Variants in YBEY observed in about 807,000 individuals in gnomAD.
The protein encoded by YBEY is ybeY metalloendoribonuclease.
In YBEY, 15 loss-of-function variants were observed where a neutral mutation model predicts 13.5. The observed-to-expected ratio is 1.11, with a 90% CI of 0.75 to 1.72. The LOEUF is 1.72. Ranked by LOEUF, YBEY falls within the 40% of genes most tolerant of loss-of-function variation. The probability of loss-of-function intolerance (pLI) is 0.00; values close to 1 mark genes in which losing one functional copy is unlikely to be tolerated. For missense variants in YBEY, 244 were observed against 208.4 expected (o/e 1.17, Z -1.05); for synonymous variants, 101 against 83.1 (o/e 1.21, Z -1.17).
chr21:46,311,453 T>C, the YBEY span: 1 of 1,540,714 alleles, frequency 6.5e-7, no homozygotes, highest in South Asian at 1.2e-5. Flanking sequence ...ATGGAACACT[T>C]ACCTTCCTTA....
At chr21:46,293,673 AG>A (rs1569100850) in intron 3 of YBEY, among the ~76,000 whole-genome samples, 1 of 21,932 alleles carries the variant, frequency 4.6e-5, no homozygotes, top group African/African-American at 1.4e-4. Flanking sequence ...CACGCAAGTT[AG>A]ACTCTAGATT....
At chr21:46,313,126 C>T in the YBEY span, 88 of 920,032 alleles carry the variant, frequency 9.6e-5, no homozygotes, top group Non-Finnish European at 1.1e-4. Flanking sequence ...CAGGACACAC[C>T]GTCAGCTCTT....
In YBEY at chr21:46,297,681, C is replaced by A; in HGVS notation, c.*47C>A. 1 of 1,272,514 alleles carries A rather than the reference C, an allele frequency of 7.9e-7. No individual in the cohort carries two copies. Among genetic ancestry groups the A allele is most frequent in the Non-Finnish European group, 1.0e-6 (1 of 998,764 alleles). The allele number at this position is 1,272,514 out of a possible 1,614,324, so 78.8% of individuals were successfully genotyped here. A position where few individuals can be genotyped will look rare whatever the true frequency, so the allele number is the denominator to read the frequency against. On this transcript the variant is annotated 3_prime_UTR_variant, in exon 5 of 5. Coordinates refer to ENST00000397701, the MANE Select transcript of YBEY (RefSeq NM_001314025.2). ...CGGGACGCGGGAGGGGTGGAGGCTG[C>A]GGGGAGCCGGGGTCGCACACGAATA... is the stretch of plus-strand genomic sequence containing the variant.
intron 2 of YBEY, among the ~76,000 whole-genome samples, chr21:46,289,894 T>C (rs1476149425): frequency 1.3e-5 from 2 of 152,300 alleles, no homozygotes; most frequent in Admixed American, 6.5e-5. Flanking sequence ...AGTTTCTGTG[T>C]GCGTGTAAGG....
chr21:46,296,268 TG>T, intron 4 of YBEY, 38 bp downstream of exon 4: 5 of 1,611,304 alleles, frequency 3.1e-6, no homozygotes, highest in Non-Finnish European at 4.2e-6. Context: ...AGGGGGTGCG[TG>T]GGGGAAGGAG....
intron 4 of YBEY, among the ~76,000 whole-genome samples, chr21:46,297,303 C>T (rs1470142454): frequency 1.3e-5 from 2 of 148,772 alleles, no homozygotes; most frequent in African/African-American, 4.9e-5. Context: ...TTCTTCCTCC[C>T]ACTCCCCTCC....
chr21:46,304,831 T>C, the YBEY span, among the ~76,000 whole-genome samples: 2 of 152,126 alleles, frequency 1.3e-5, no homozygotes, highest in African/African-American at 4.8e-5. Flanking sequence ...TGTACATCAG[T>C]AGATAGATAA....
At position 46,296,231 on chromosome 21, in the gene YBEY, G is replaced by A; in HGVS notation, c.408+1G>A. 1 of 1,613,514 alleles carries A rather than the reference G, an allele frequency of 6.2e-7. No homozygotes were observed. Among genetic ancestry groups the A allele is most frequent in the Non-Finnish European group, 8.5e-7 (1 of 1,180,012 alleles). ...CGGCACGGAGGCAGAGTGGCAGCAG[G>A]TAAGGAGCCCATCCATCCCACTACC... On this transcript the variant is annotated splice_donor_variant, in intron 4 of 4. Coordinates refer to ENST00000397701, the MANE Select transcript of YBEY (RefSeq NM_001314025.2). LOFTEE classifies it high-confidence loss of function.
downstream of YBEY, chr21:46,302,298 C>T (rs531057365): frequency 8.6e-4 from 1,173 of 1,365,636 alleles, 27 homozygotes; most frequent in South Asian, 0.015. Flanking sequence ...GCTCCTCCCC[C>T]GCCCCAAATT....
chr21:46,297,619 C>T lies in YBEY; in HGVS notation c.489C>T (p.Leu163=). ...GTRLQPLTRG[L]FGGS ...GGCTGCAGCCCCTGACCCGGGGCCTCTTCGGAGGGAGCTGAGGGCCGCGTT... is the reference window on the plus strand; with the variant it reads ...GGCTGCAGCCCCTGACCCGGGGCCTTTTCGGAGGGAGCTGAGGGCCGCGTT... Residue 163 remains leucine (L), a synonymous_variant, in exon 5 of 5, where the codon CTC becomes CTT. Coordinates refer to ENST00000397701, the MANE Select transcript of YBEY (RefSeq NM_001314025.2). 3 of 1,349,712 alleles carry T rather than the reference C, an allele frequency of 2.2e-6. No homozygotes were observed. Among genetic ancestry groups the T allele is most frequent in the Non-Finnish European group, 2.9e-6 (3 of 1,036,692 alleles). The allele number at this position is 1,349,712 out of a possible 1,614,324, so 83.6% of individuals were successfully genotyped here. A position where few individuals can be genotyped will look rare whatever the true frequency, so the allele number is the denominator to read the frequency against.
intron 3 of YBEY, among the ~76,000 whole-genome samples, chr21:46,293,330 TTAG>T (rs2081817254): frequency 1.6e-5 from 1 of 63,348 alleles, no homozygotes; most frequent in African/African-American, 5.2e-5. Flanking sequence ...CCTCCCGCGG[TTAG>T]CCTGACCCGT....
chr21:46,289,181 C>T (rs2839200), intron 2 of YBEY, among the ~76,000 whole-genome samples: 61,845 of 151,886 alleles, frequency 0.41, 13,136 homozygotes, highest in Admixed American at 0.48. Context: ...GGACAAAATA[C>T]CAAGTGGAAA....
At chr21:46,300,238 T>C (rs1316530336), downstream of YBEY, 2 of 152,814 alleles carry the variant, frequency 1.3e-5, no homozygotes, top group Admixed American at 6.5e-5. Context: ...AAGACCATCC[T>C]GGCTAACACA....
intron 2 of YBEY, among the ~76,000 whole-genome samples, chr21:46,288,219 A>G (rs2839197): frequency 0.41 from 62,212 of 152,034 alleles, 13,296 homozygotes; most frequent in Admixed American, 0.48. Context: ...CAACAAACTC[A>G]ATGTAATAGC....
the YBEY span, among the ~76,000 whole-genome samples, chr21:46,312,405 G>A: frequency 8.5e-5 from 13 of 152,074 alleles, no homozygotes; most frequent in African/African-American, 2.7e-4. Context: ...TGCAACCTCC[G>A]CCTCCCAGGT....
Position 46,296,172 on chromosome 21 carries a change from C to T in YBEY, c.350C>T (p.Thr117Ile), listed in dbSNP as rs1011045279. Residue 117 changes from threonine (T) to isoleucine (I), a missense_variant, in exon 4 of 5, where the codon ACC (threonine) becomes ATC (isoleucine). Physicochemically the swap from Thr to Ile is moderately conservative, Grantham distance 89. Coordinates refer to ENST00000397701, the MANE Select transcript of YBEY (RefSeq NM_001314025.2). ...DYNDVLTVTA[T>I]HGLCHLLGFT... ...AAATTATTCTGACAGGTGACGGCCACCCACGGACTCTGTCACTTGCTGGGA... is the reference window on the plus strand; with the variant it reads ...AAATTATTCTGACAGGTGACGGCCATCCACGGACTCTGTCACTTGCTGGGA... The T allele has an allele frequency of 3.7e-6, 6 of 1,613,808 alleles. No homozygotes were observed. In the Admixed American group the frequency reaches 5.0e-5, roughly 13 times the overall value.
chr21:46,291,146 G>A (rs905842809), intron 2 of YBEY, among the ~76,000 whole-genome samples, 188 bp from the exon 3 acceptor site: 4 of 147,574 alleles, frequency 2.7e-5, no homozygotes, highest in African/African-American at 5.0e-5. Context: ...GCAGTGAGCC[G>A]AGATCGCGCC....
chr21:46,291,523 T>C, intron 3 of YBEY, 61 bp downstream of exon 3: 1 of 1,602,328 alleles, frequency 6.2e-7, no homozygotes, highest in South Asian at 1.1e-5. Context: ...TGCAAAGGGG[T>C]CAAGATCACA....
At chr21:46,292,203 G>A (rs2081745103) in intron 3 of YBEY, 1 of 152,258 alleles carries the variant, frequency 6.6e-6, no homozygotes, top group African/African-American at 2.4e-5. Flanking sequence ...CCATTCTTAG[G>A]TTGTACTATT....
Sources: allele counts gnomAD v4.1 joint callset (sites outside exome capture counted in the v4.1 genomes callset), GRCh38; gene constraint gnomAD v4.1.1; transcripts MANE v1.5; gene names NCBI Gene and HGNC (gene_info 2026-07-23, HGNC 2026-07-21).